Variants in CYP46A1 observed in about 807,000 individuals in gnomAD.
CYP46A1 encodes the protein cytochrome P450 family 46 subfamily A member 1.
CYP46A1 carries 20 observed loss-of-function variants against 63.3 expected under a neutral mutation model. That is an observed-to-expected ratio of 0.32 (90% confidence interval 0.22 to 0.46). The LOEUF (loss-of-function observed/expected upper bound fraction) is 0.46. Among genes scored for constraint, CYP46A1 ranks in the 20% least tolerant of loss-of-function variants. The probability of loss-of-function intolerance (pLI) is 1.00; values close to 1 mark genes in which losing one functional copy is unlikely to be tolerated. For synonymous variants in CYP46A1, 268 were observed against 273.6 expected (o/e 0.98, Z 0.20); for missense variants, 445 against 670.8 (o/e 0.66, Z 3.72).
At chr14:99,687,549 TC>T (rs2056505181) in intron 1 of CYP46A1, among the ~76,000 whole-genome samples, 1 of 152,092 alleles carries the variant, frequency 6.6e-6, no homozygotes, top group Non-Finnish European at 1.5e-5. Context: ...ACAATCATGG[TC>T]CCTCACCCTC....
chr14:99,716,833 C>T (rs757786145), intron 9 of CYP46A1, among the ~76,000 whole-genome samples: 3 of 152,214 alleles, frequency 2.0e-5, no homozygotes, highest in Non-Finnish European at 2.9e-5. Flanking sequence ...ATCCCATGAA[C>T]ATTGAATGAA....
intron 7 of CYP46A1, among the ~76,000 whole-genome samples, chr14:99,714,659 C>G (rs1161730841): frequency 6.6e-6 from 1 of 150,968 alleles, no homozygotes; most frequent in African/African-American, 2.4e-5. Flanking sequence ...ACTCAGGAGG[C>G]TGAAGCAGGA....
intron 3 of CYP46A1, among the ~76,000 whole-genome samples, chr14:99,694,539 A>G (rs181832879): frequency 6.1e-4 from 90 of 147,314 alleles, no homozygotes; most frequent in Admixed American, 1.6e-3. Context: ...TTGCTCTGTC[A>G]CCTAGGCTGG....
At chr14:99,713,894 GTGTGACTATATTAAA>G (rs1406905588) in intron 7 of CYP46A1, among the ~76,000 whole-genome samples, 25 of 135,646 alleles carry the variant, frequency 1.8e-4, no homozygotes, top group Admixed American at 1.1e-3. Flanking sequence ...AAAAAAAGAC[GTGTGACTATATTAAA>G]TGTGACTATA....
rs554787822 is a variant in CYP46A1 at position 99,719,963 on chromosome 14, CG to C, written c.981-1273del. Among the ~76,000 whole-genome samples the C allele has an allele frequency of 2.6e-5, 4 of 151,902 alleles. No homozygotes were observed. The East Asian group carries it at 7.8e-4, about 30-fold the overall frequency. On this transcript the variant is annotated intron_variant, in intron 10 of 14. Coordinates refer to ENST00000261835, the MANE Select transcript of CYP46A1 (RefSeq NM_006668.2). ...TATTTTTAGTAGAGACGGGGCTTCA[CG>C]GGTTAGCCAGGATGGTCTTGATCTC...
Position 99,726,616 on chromosome 14 carries a change from C to T in CYP46A1, c.1392C>T (p.Pro464=), listed in dbSNP as rs143537324. 34 of 1,576,496 alleles carry T rather than the reference C, an allele frequency of 2.2e-5. No individual in the cohort carries two copies. The highest frequency in any genetic ancestry group is 1.1e-4 in the African/African-American group (8 of 74,194). The change falls in exon 15 of 15, where the codon CCC becomes CCT. Residue 464 remains proline (P), a synonymous_variant. Coordinates refer to ENST00000261835, the MANE Select transcript of CYP46A1 (RefSeq NM_006668.2). ...AGAGGCTGGAGTTCCGGCTGGTGCCCGGGCAGCGCTTCGGGCTGCAGGAGC... is the reference window on the plus strand; with the variant it reads ...AGAGGCTGGAGTTCCGGCTGGTGCCTGGGCAGCGCTTCGGGCTGCAGGAGC... ...LLQRLEFRLV[P]GQRFGLQEQA... is the part of the protein sequence containing the mutation.
intron 10 of CYP46A1, among the ~76,000 whole-genome samples, chr14:99,719,374 G>A (rs2140138221): frequency 7.1e-6 from 1 of 141,416 alleles, no homozygotes; most frequent in East Asian, 2.0e-4. Context: ...ACCACACCTG[G>A]CTAATTTTTT....
At chr14:99,690,478 T>G (rs1425400387) in intron 1 of CYP46A1, among the ~76,000 whole-genome samples, 10 of 152,138 alleles carry the variant, frequency 6.6e-5, no homozygotes, top group Admixed American at 6.5e-4. Context: ...TTGAGCTTGG[T>G]AGGAATAAAG....
intron 3 of CYP46A1, among the ~76,000 whole-genome samples, chr14:99,692,621 G>A (rs1334638773): frequency 6.6e-6 from 1 of 152,064 alleles, no homozygotes; most frequent in Non-Finnish European, 1.5e-5. Context: ...CCTGAGGTCA[G>A]GAGTTCGCGA....
chr14:99,686,099 C>T (rs2056491270), intron 1 of CYP46A1, among the ~76,000 whole-genome samples: 1 of 152,174 alleles, frequency 6.6e-6, no homozygotes, highest in African/African-American at 2.4e-5. Context: ...TGTAGCAGCA[C>T]ATTGTACATG....
intron 3 of CYP46A1, among the ~76,000 whole-genome samples, chr14:99,697,085 G>A (rs1160011910): frequency 6.6e-6 from 1 of 152,220 alleles, no homozygotes; most frequent in African/African-American, 2.4e-5. Context: ...TAAGCTCTGA[G>A]AATTCTTCAG....
At chr14:99,699,955 T>G in intron 4 of CYP46A1, 60 bp from the exon 5 acceptor site, 1 of 882,380 alleles carries the variant, frequency 1.1e-6, no homozygotes, top group Non-Finnish European at 1.8e-6. Context: ...CCCAAGCCCA[T>G]CAAGCAGTCG....
chr14:99,718,242 G>A (rs747311608), intron 10 of CYP46A1, 116 bp downstream of exon 10: 27 of 822,766 alleles, frequency 3.3e-5, no homozygotes, highest in African/African-American at 5.1e-5. Context: ...CTTCCCCTGG[G>A]CCTTGGCACA....
Position 99,684,325 on chromosome 14 carries a change from G to GGC in CYP46A1, c.-87_-86dup. On this transcript the variant is annotated 5_prime_UTR_variant, in exon 1 of 15. Transcript: ENST00000261835. ...GTCGCGCCTGGCCTGGGGCCGAGGCGGCGCGCGGCGCTGACAGCTGAGTCG... is the reference window on the plus strand; with the variant it reads ...GTCGCGCCTGGCCTGGGGCCGAGGCGGCGCGCGCGGCGCTGACAGCTGAGTCG... 1 of 705,862 alleles carries GGC rather than the reference G, an allele frequency of 1.4e-6. No individual in the cohort carries two copies. Among genetic ancestry groups the GGC allele is most frequent in the Non-Finnish European group, 1.9e-6 (1 of 526,160 alleles). 43.7% of individuals were successfully genotyped at this position (705,862 alleles called of 1,614,324 possible). A position where few individuals can be genotyped will look rare whatever the true frequency, so the allele number is the denominator to read the frequency against.
chr14:99,700,072 G>A lies in CYP46A1; in HGVS notation c.414G>A (p.Arg138=). Residue 138 remains arginine (R), a synonymous_variant, in exon 5 of 15, where the codon CGG becomes CGA. Transcript: ENST00000261835. ...ECNYERWHKQ[R]RVIDLAFSRS... is the part of the protein sequence containing the mutation. ...ACTATGAGCGCTGGCACAAGCAGCG[G>A]AGAGTCATAGACCTGGCCTTCAGCC... is the stretch of plus-strand genomic sequence containing the variant. 2 of 1,609,802 alleles carry A rather than the reference G, an allele frequency of 1.2e-6. No individual in the cohort carries two copies. The highest frequency in any genetic ancestry group is 1.1e-5 in the South Asian group (1 of 90,878).
At chr14:99,688,407 C>T (rs558570973) in intron 1 of CYP46A1, among the ~76,000 whole-genome samples, 1 of 152,236 alleles carries the variant, frequency 6.6e-6, no homozygotes, top group Non-Finnish European at 1.5e-5. Flanking sequence ...TTATTCTTGC[C>T]TCCTACTTCC....
intron 3 of CYP46A1, among the ~76,000 whole-genome samples, chr14:99,697,975 A>C (rs948960204): frequency 5.9e-5 from 9 of 151,508 alleles, no homozygotes; most frequent in African/African-American, 2.2e-4. Flanking sequence ...TTACTGTCAC[A>C]GTCTTCCTCT....
intron 1 of CYP46A1, chr14:99,684,844 C>T (rs575997013): frequency 2.1e-6 from 1 of 481,680 alleles, no homozygotes; most frequent in African/African-American, 2.0e-5. Flanking sequence ...GGCGAAGTCA[C>T]CTGCCCAAGG....
intron 5 of CYP46A1, among the ~76,000 whole-genome samples, chr14:99,701,795 C>T (rs1167117544): frequency 2.0e-5 from 3 of 152,146 alleles, no homozygotes; most frequent in Non-Finnish European, 4.4e-5. Context: ...TTCAGCCAGG[C>T]GTGGTGGTTC....
Sources: allele counts gnomAD v4.1 joint callset (sites outside exome capture counted in the v4.1 genomes callset), GRCh38; gene constraint gnomAD v4.1.1; transcripts MANE v1.5; gene names NCBI Gene and HGNC (gene_info 2026-07-23, HGNC 2026-07-21).